Variants in EBF1 observed in about 807,000 individuals in gnomAD.
EBF1 encodes the protein EBF transcription factor 1.
A neutral mutation model predicts 68.4 loss-of-function variants in EBF1; 10 were observed. The observed-to-expected ratio is 0.15, with a 90% CI of 0.09 to 0.25. The LOEUF is 0.25. Among genes scored for constraint, EBF1 ranks in the 10% least tolerant of loss-of-function variants. The pLI is 1.00. For synonymous variants in EBF1, 298 were observed against 299.8 expected (o/e 0.99, Z 0.06); for missense variants, 509 against 794.4 (o/e 0.64, Z 4.32).
At chr5:158,816,369 A>G (rs537038683) in intron 8 of EBF1, among the ~76,000 whole-genome samples, 25 of 152,368 alleles carry the variant, frequency 1.6e-4, no homozygotes, top group African/African-American at 6.0e-4. Context: ...GAAACTATGC[A>G]AACCCTGAAA....
intron 6 of EBF1, among the ~76,000 whole-genome samples, chr5:159,021,286 G>A (rs979476560): frequency 3.3e-5 from 5 of 151,800 alleles, no homozygotes; most frequent in Admixed American, 1.3e-4. Flanking sequence ...GGAATCTCCC[G>A]CCAAAAAAAA....
intron 11 of EBF1, among the ~76,000 whole-genome samples, chr5:158,727,300 T>C (rs1017445481): frequency 2.6e-5 from 4 of 152,200 alleles, no homozygotes; most frequent in African/African-American, 9.7e-5. Context: ...TAAGGCTCAC[T>C]GACCACTCAC....
At chr5:158,988,503 T>G (rs1759599560) in intron 6 of EBF1, among the ~76,000 whole-genome samples, 1 of 152,166 alleles carries the variant, frequency 6.6e-6, no homozygotes. Flanking sequence ...TTCTAAGCTC[T>G]CCAATAAATC....
chr5:158,759,795 G>A (rs1183165212), intron 10 of EBF1, among the ~76,000 whole-genome samples: 1 of 151,842 alleles, frequency 6.6e-6, no homozygotes, highest in South Asian at 2.1e-4. Context: ...TTCTTTCACT[G>A]GAATACAGGT....
chr5:158,989,218 C>T (rs776925388), intron 6 of EBF1, among the ~76,000 whole-genome samples: 1 of 152,120 alleles, frequency 6.6e-6, no homozygotes, highest in Non-Finnish European at 1.5e-5. Flanking sequence ...TGTTCCAGCA[C>T]GAAACAGAAA....
intron 6 of EBF1, among the ~76,000 whole-genome samples, chr5:158,882,422 G>A (rs1405536958): frequency 2.6e-5 from 4 of 152,142 alleles, no homozygotes; most frequent in Admixed American, 6.5e-5. Context: ...AGCCTGCCAC[G>A]TATTCTGGGC....
intron 3 of EBF1, 21 bp downstream of exon 3, chr5:159,096,322 T>C (rs746243657): frequency 1.2e-6 from 2 of 1,610,910 alleles, no homozygotes; most frequent in African/African-American, 2.7e-5. Context: ...GGTGAGGCCA[T>C]AGACCCGACC....
intron 6 of EBF1, among the ~76,000 whole-genome samples, chr5:158,887,590 C>A (rs966592096): frequency 3.9e-5 from 6 of 152,116 alleles, no homozygotes; most frequent in African/African-American, 1.4e-4. Context: ...AAAATGTATA[C>A]ATTTTGCCAG....
chr5:158,891,752 T>C (rs1429749488), intron 6 of EBF1, among the ~76,000 whole-genome samples: 1 of 152,224 alleles, frequency 6.6e-6, no homozygotes, highest in East Asian at 1.9e-4. Flanking sequence ...TTAAGTCTCC[T>C]TGGCAAGGTT....
At position 158,698,651 on chromosome 5, in the gene EBF1, TTTCC is replaced by T; in HGVS notation, c.*456_*459del. On this transcript the variant is annotated 3_prime_UTR_variant, in exon 16 of 16. Coordinates refer to ENST00000313708, the MANE Select transcript of EBF1 (RefSeq NM_024007.5). Reference sequence around the variant, plus strand: ...TCTGTCCCATACAAGCTTTTTTTTTTTTCCTTTTTTTCTTTTTTTTTTTTTTTAC... The same window carrying T: ...TCTGTCCCATACAAGCTTTTTTTTTTTTTTTTTCTTTTTTTTTTTTTTTAC... 2 of 193,730 alleles carry T rather than the reference TTTCC, an allele frequency of 1.0e-5. No homozygotes were observed. The allele number at this position is 193,730 out of a possible 1,614,324, so 12.0% of individuals were successfully genotyped here.
intron 6 of EBF1, among the ~76,000 whole-genome samples, chr5:158,932,265 T>C (rs1472225345): frequency 6.6e-6 from 1 of 152,232 alleles, no homozygotes; most frequent in Non-Finnish European, 1.5e-5. Flanking sequence ...TGCAGATTGG[T>C]TAGATAAATG....
intron 6 of EBF1, among the ~76,000 whole-genome samples, chr5:158,908,937 C>T (rs537861532): frequency 6.6e-6 from 1 of 152,304 alleles, no homozygotes; most frequent in South Asian, 2.1e-4. Context: ...TGCATCAATG[C>T]CACTTTGTTC....
At chr5:158,774,917 G>A (rs1774771917) in intron 10 of EBF1, among the ~76,000 whole-genome samples, 1 of 151,246 alleles carries the variant, frequency 6.6e-6, no homozygotes, top group Non-Finnish European at 1.5e-5. Flanking sequence ...GGAAATCATT[G>A]TGCCAATTTC....
intron 10 of EBF1, among the ~76,000 whole-genome samples, chr5:158,735,665 T>A (rs1765021211): frequency 1.3e-5 from 2 of 152,200 alleles, no homozygotes. Flanking sequence ...CCATTTGAAC[T>A]GTATCAACAT....
At chr5:158,786,952 C>T (rs73297921) in intron 9 of EBF1, among the ~76,000 whole-genome samples, 1,723 of 152,238 alleles carry the variant, frequency 0.011, 28 homozygotes, top group African/African-American at 0.039. Flanking sequence ...CAAAGCTTTA[C>T]GATACAGAGA....
At chr5:159,097,867 C>T (rs1782928527) in intron 1 of EBF1, among the ~76,000 whole-genome samples, 1 of 152,222 alleles carries the variant, frequency 6.6e-6, no homozygotes, top group Non-Finnish European at 1.5e-5. Flanking sequence ...CGATGGGAGG[C>T]TGGAGCGCCT....
Position 158,840,645 on chromosome 5 carries a change from G to GTTTTTTTTTTTTTTT in EBF1, c.555-550_555-536dup, listed in dbSNP as rs534374216. ...TCCTTTGACTTCTCAAATACCTCCT[G>GTTTTTTTTTTTTTTT]TTTTTTTTTTTTTTTTTTTTTTTTT... On this transcript the variant is annotated intron_variant, in intron 6 of 15. Coordinates refer to ENST00000313708, the MANE Select transcript of EBF1 (RefSeq NM_024007.5). Among the ~76,000 whole-genome samples, 7 of 64,780 alleles carry GTTTTTTTTTTTTTTT rather than the reference G, an allele frequency of 1.1e-4. 1 individual carries two copies. Among genetic ancestry groups the GTTTTTTTTTTTTTTT allele is most frequent in the Non-Finnish European group, 1.4e-4 (5 of 35,730 alleles). 42.5% of individuals were successfully genotyped at this position (64,780 alleles called of 152,430 possible). A position where few individuals can be genotyped will look rare whatever the true frequency, so the allele number is the denominator to read the frequency against.
chr5:159,066,983 T>C (rs1776929310), intron 6 of EBF1, among the ~76,000 whole-genome samples: 1 of 152,126 alleles, frequency 6.6e-6, no homozygotes, highest in Non-Finnish European at 1.5e-5. Context: ...TCAGATAACA[T>C]CTCATGCAAA....
intron 6 of EBF1, among the ~76,000 whole-genome samples, chr5:159,073,193 C>T (rs909585014): frequency 8.5e-5 from 13 of 152,052 alleles, no homozygotes; most frequent in African/African-American, 2.9e-4. Context: ...AGACAAAAAC[C>T]GGAGCAATCC....
Sources: gnomAD v4.1 joint callset for allele counts (sites outside exome capture counted in the v4.1 genomes callset) on GRCh38, gnomAD v4.1.1 for gene constraint, MANE v1.5 for transcripts, NCBI Gene and HGNC (gene_info 2026-07-23, HGNC 2026-07-21) for gene names.